Variants in BPTF observed in about 807,000 individuals in gnomAD.
The protein encoded by BPTF is bromodomain PHD finger transcription factor.
In BPTF, 18 loss-of-function variants were observed where a neutral mutation model predicts 292.5. The ratio of observed to expected loss-of-function variants is 0.06; its 90% CI spans 0.04 to 0.09. The LOEUF (loss-of-function observed/expected upper bound fraction) is 0.09. Ranked by LOEUF, BPTF falls within the 10% of genes least tolerant of loss-of-function variation. BPTF has a pLI of 1.00. For synonymous variants in BPTF, 1,225 were observed against 1,251.9 expected, an observed-to-expected ratio of 0.98 and a Z score of 0.45; for missense variants, 2,726 against 3,498.7, an observed-to-expected ratio of 0.78 and a Z score of 5.57.
At chr17:67,935,895 C>T (rs2064872199) in intron 18 of BPTF, among the ~76,000 whole-genome samples, 1 of 152,118 alleles carries the variant, frequency 6.6e-6, no homozygotes, top group African/African-American at 2.4e-5. Flanking sequence ...TGTAGTAAGA[C>T]TTTCAGAAGT....
At chr17:67,977,115 G>A (rs1555694400) in intron 27 of BPTF, among the ~76,000 whole-genome samples, 1 of 152,202 alleles carries the variant, frequency 6.6e-6, no homozygotes, top group Non-Finnish European at 1.5e-5. Context: ...AAAAATGATT[G>A]TCAGCCTAGA....
At chr17:67,916,496 AG>A (rs2062997913) in intron 11 of BPTF, among the ~76,000 whole-genome samples, 1 of 152,148 alleles carries the variant, frequency 6.6e-6, no homozygotes, top group Non-Finnish European at 1.5e-5. Flanking sequence ...AGACTGAGGC[AG>A]GAGAATCACT....
At chr17:67,827,277 CT>C (rs1274268245) in intron 1 of BPTF, among the ~76,000 whole-genome samples, 1 of 152,166 alleles carries the variant, frequency 6.6e-6, no homozygotes, top group Non-Finnish European at 1.5e-5. Context: ...TACACAACGA[CT>C]TTTTCTTTTC....
In BPTF at chr17:67,909,613, G is replaced by A. The variant is rs2062511754; in HGVS notation, c.2844G>A (p.Glu948=). 4.4e-6 allele frequency: 7 copies of A among 1,574,372 alleles called. No homozygotes were observed. The South Asian group carries it at 7.3e-5, about 16-fold the overall frequency. ...TKNNMDENMD[E]SDKRKCSRSP... ...ATAATATGGATGAAAATATGGATGA[G>A]TCAGATAAAAGAAAATGTTCACGAA... The change falls in exon 10 of 28, where the codon GAG becomes GAA. Residue 948 remains glutamate (E), a synonymous_variant. Transcript: ENST00000306378.
intron 18 of BPTF, among the ~76,000 whole-genome samples, chr17:67,940,138 C>T (rs1434567452): frequency 6.6e-6 from 1 of 152,110 alleles, no homozygotes; most frequent in Non-Finnish European, 1.5e-5. Flanking sequence ...TTTACACATT[C>T]TTTTTTGTCT....
intron 19 of BPTF, among the ~76,000 whole-genome samples, chr17:67,942,540 G>T (rs1555672442): frequency 6.6e-6 from 1 of 152,132 alleles, no homozygotes; most frequent in Non-Finnish European, 1.5e-5. Flanking sequence ...CTATCAGTCG[G>T]TTCAGCCATT....
intron 11 of BPTF, among the ~76,000 whole-genome samples, chr17:67,917,666 C>T (rs9675292): frequency 0.033 from 5,003 of 151,792 alleles, 287 homozygotes; most frequent in African/African-American, 0.11. Flanking sequence ...GAGTTTCACT[C>T]TTGTCGCCCA....
chr17:67,905,175 T>A (rs1271622799), intron 9 of BPTF, among the ~76,000 whole-genome samples: 1 of 152,118 alleles, frequency 6.6e-6, no homozygotes, highest in Non-Finnish European at 1.5e-5. Context: ...TGTGGGAGGC[T>A]GAGGCAGGTG....
intron 19 of BPTF, among the ~76,000 whole-genome samples, chr17:67,942,313 A>C (rs1222014508): frequency 1.1e-4 from 3 of 27,678 alleles, no homozygotes; most frequent in Admixed American, 6.0e-4. Context: ...CGTCTCAAAA[A>C]AAAGAAAAAC....
At chr17:67,886,397 T>G in intron 4 of BPTF, 1 of 998,850 alleles carries the variant, frequency 1.0e-6, no homozygotes, top group Non-Finnish European at 1.3e-6. Flanking sequence ...GTGTGGTTTT[T>G]TGCTTTTGTT....
At chr17:67,963,591 G>T in intron 24 of BPTF, 2 of 1,260,350 alleles carry the variant, frequency 1.6e-6, no homozygotes, top group Admixed American at 3.9e-5. Context: ...AAAATAAAAA[G>T]CAGATTTTTT....
chr17:67,828,691 G>T (rs551422642), intron 1 of BPTF, among the ~76,000 whole-genome samples: 85 of 152,228 alleles, frequency 5.6e-4, no homozygotes, highest in African/African-American at 2.0e-3. Context: ...ACCACGCCCA[G>T]CTAATTTTGT....
chr17:67,966,548 A>T, intron 25 of BPTF, 24 bp from the exon 26 acceptor site: 1 of 1,600,110 alleles, frequency 6.2e-7, no homozygotes, highest in Admixed American at 1.7e-5. Context: ...CACTGACAAT[A>T]ATGATGCTGC....
intron 4 of BPTF, 86 bp downstream of exon 4, chr17:67,875,106 T>A: frequency 8.7e-7 from 1 of 1,143,432 alleles, no homozygotes; most frequent in Non-Finnish European, 1.3e-6. Flanking sequence ...GAAAGTGAAA[T>A]ATTGCAAGCA....
At chr17:67,958,922 G>A (rs548070569) in intron 23 of BPTF, among the ~76,000 whole-genome samples, 2 of 152,266 alleles carry the variant, frequency 1.3e-5, no homozygotes, top group East Asian at 1.9e-4. Context: ...AGCTGAGATT[G>A]CACCATTGAC....
Position 67,912,190 on chromosome 17 carries a change from G to T in BPTF, c.4306G>T (p.Val1436Phe), listed in dbSNP as rs1360376631. The change falls in exon 11 of 28, where the codon GTT becomes TTT. Residue 1436 changes from valine (V) to phenylalanine (F), a missense_variant. Transcript: ENST00000306378. ...ISESRVVSGN[V>F]EPKVNNINKI... ...TGAGAGTAGAGTAGTAAGTGGTAAT[G>T]TTGAACCAAAGGTTAATAATATAAA... The T allele has an allele frequency of 6.2e-7, 1 of 1,610,932 alleles. No individual in the cohort carries two copies. Among genetic ancestry groups the T allele is most frequent in the Non-Finnish European group, 8.5e-7 (1 of 1,178,352 alleles).
intron 21 of BPTF, among the ~76,000 whole-genome samples, chr17:67,946,779 ATAT>A (rs539688773): frequency 2.7e-4 from 41 of 152,234 alleles, no homozygotes; most frequent in Non-Finnish European, 4.6e-4. Context: ...TTTTGAAAAC[ATAT>A]TATTTCATAG....
In BPTF at chr17:67,959,650, C is replaced by CCCCTCCAGT; in HGVS notation, c.8044_8045insTCCCTCCAG (p.Pro2681_Ala2682insValProPro). The CCCCTCCAGT allele has an allele frequency of 6.2e-7, 1 of 1,603,678 alleles. No individual in the cohort carries two copies. Among genetic ancestry groups the CCCCTCCAGT allele is most frequent in the Non-Finnish European group, 8.5e-7 (1 of 1,175,592 alleles). On this transcript the variant is annotated inframe_insertion, in exon 24 of 28. Transcript: ENST00000306378. ...CCCCCAGTGACACCAGCTCCTCCAG[C>CCCCTCCAGT]CCCTCCAGCCCCTCCACCTTCACCT...
chr17:67,973,054 T>A (rs928301165), intron 26 of BPTF, among the ~76,000 whole-genome samples: 24 of 144,446 alleles, frequency 1.7e-4, no homozygotes, highest in Admixed American at 6.4e-4. Flanking sequence ...TATATATATT[T>A]TATATATATA....
Sources: allele counts gnomAD v4.1 joint callset (sites outside exome capture counted in the v4.1 genomes callset), GRCh38; gene constraint gnomAD v4.1.1; transcripts MANE v1.5; gene names NCBI Gene and HGNC (gene_info 2026-07-23, HGNC 2026-07-21).